The following CNTNAP2 variants were observed in gnomAD, a reference collection of about 807,000 sequenced individuals.
CNTNAP2 encodes the protein contactin associated protein 2.
In CNTNAP2, 98 loss-of-function variants were observed where a neutral mutation model predicts 155.2. The observed-to-expected ratio is 0.63, with a 90% CI of 0.54 to 0.75. The LOEUF is 0.75. Among genes scored for constraint, CNTNAP2 ranks in the 30% least tolerant of loss-of-function variants. The pLI, the probability that CNTNAP2 is intolerant of heterozygous loss-of-function variation, is 0.00. For missense variants in CNTNAP2, 1,727 were observed against 1,688.1 expected (o/e 1.02, Z -0.40); for synonymous variants, 651 against 631.2 (o/e 1.03, Z -0.47).
At chr7:147,154,709 C>G (rs1801889995) in intron 8 of CNTNAP2, among the ~76,000 whole-genome samples, 1 of 152,090 alleles carries the variant, frequency 6.6e-6, no homozygotes, top group South Asian at 2.1e-4. Flanking sequence ...CTGCCACCCC[C>G]TAAAAGATAC....
chr7:147,902,093 A>C (rs776132710), intron 13 of CNTNAP2, among the ~76,000 whole-genome samples: 2 of 152,140 alleles, frequency 1.3e-5, no homozygotes, highest in Non-Finnish European at 2.9e-5. Flanking sequence ...ATGGTGTAGA[A>C]TCAGTTCATG....
At chr7:146,759,634 C>T (rs889804913) in intron 1 of CNTNAP2, among the ~76,000 whole-genome samples, 8 of 125,332 alleles carry the variant, frequency 6.4e-5, no homozygotes, top group African/African-American at 2.4e-4. Flanking sequence ...GTCAGAGGAG[C>T]TGAGATCACG....
At chr7:147,761,916 T>C (rs932927138) in intron 13 of CNTNAP2, among the ~76,000 whole-genome samples, 4 of 152,086 alleles carry the variant, frequency 2.6e-5, no homozygotes, top group Non-Finnish European at 5.9e-5. Context: ...TTATGGGCTA[T>C]GGCATATGAA....
intron 3 of CNTNAP2, among the ~76,000 whole-genome samples, chr7:146,872,162 ATT>A (rs144291754): frequency 0.24 from 26,428 of 111,706 alleles, 2,179 homozygotes; most frequent in Non-Finnish European, 0.26. Context: ...AAATTATTGA[ATT>A]TTTTTTTTTT....
chr7:146,598,641 C>G (rs1209065310), intron 1 of CNTNAP2, among the ~76,000 whole-genome samples: 1 of 151,992 alleles, frequency 6.6e-6, no homozygotes. Flanking sequence ...CCTCTGGAAC[C>G]CCTTCCCTAT....
chr7:147,691,333 C>T (rs1796083910), intron 13 of CNTNAP2, among the ~76,000 whole-genome samples: 1 of 152,094 alleles, frequency 6.6e-6, no homozygotes, highest in Admixed American at 6.6e-5. Context: ...AGCAGTAAGT[C>T]AAACCCTGAT....
At chr7:146,751,104 G>A (rs1477200924) in intron 1 of CNTNAP2, among the ~76,000 whole-genome samples, 1 of 152,094 alleles carries the variant, frequency 6.6e-6, no homozygotes, top group Non-Finnish European at 1.5e-5. Flanking sequence ...CTGTCTCAAA[G>A]AGTCTTAATA....
At position 146,724,655 on chromosome 7, in the gene CNTNAP2, C is replaced by T. The variant is rs982678320; in HGVS notation, c.98-49616C>T. ...GTGAGATCTCTGCTCACCGCAACCT[C>T]CGACTCCGTGGTTCAAGCAATTCTC... On this transcript the variant is annotated intron_variant, in intron 1 of 23. Coordinates refer to ENST00000361727, the MANE Select transcript of CNTNAP2 (RefSeq NM_014141.6). 4.7e-5 allele frequency among the ~76,000 whole-genome samples: 7 copies of T among 149,360 alleles called. No homozygotes were observed. In the South Asian group the frequency reaches 1.5e-3, roughly 32 times the overall value.
chr7:147,287,731 C>T (rs544766420), intron 8 of CNTNAP2, among the ~76,000 whole-genome samples: 4 of 152,164 alleles, frequency 2.6e-5, no homozygotes, highest in Admixed American at 2.0e-4. Context: ...CGCCCAACCT[C>T]GACTCCCTCC....
intron 3 of CNTNAP2, among the ~76,000 whole-genome samples, chr7:147,022,237 TG>T (rs1401884341): frequency 6.6e-6 from 1 of 152,160 alleles, no homozygotes; most frequent in African/African-American, 2.4e-5. Context: ...AGTGAGTCAT[TG>T]CCTGCCAGGA....
chr7:148,086,880 T>A (rs1803742229), intron 15 of CNTNAP2, among the ~76,000 whole-genome samples: 1 of 152,232 alleles, frequency 6.6e-6, no homozygotes, highest in South Asian at 2.1e-4. Context: ...TGTTTTTTTT[T>A]ATTTTTACAA....
chr7:146,202,094 A>C (rs1798872865), intron 1 of CNTNAP2, among the ~76,000 whole-genome samples: 1 of 152,098 alleles, frequency 6.6e-6, no homozygotes. Flanking sequence ...CTGCATCCTT[A>C]TCTGTGCTTG....
At chr7:147,326,013 C>T (rs138863794) in intron 9 of CNTNAP2, among the ~76,000 whole-genome samples, 2,700 of 152,266 alleles carry the variant, frequency 0.018, 82 homozygotes, top group African/African-American at 0.062. Context: ...AGCTCCACCT[C>T]CTGGGTTCAT....
chr7:146,821,338 G>T (rs1225402962), intron 2 of CNTNAP2, among the ~76,000 whole-genome samples: 1 of 152,016 alleles, frequency 6.6e-6, no homozygotes, highest in African/African-American at 2.4e-5. Context: ...CTTCCTTCAG[G>T]AGCTCTTTTA....
intron 13 of CNTNAP2, among the ~76,000 whole-genome samples, chr7:147,722,241 C>G (rs558301008): frequency 6.6e-6 from 1 of 152,208 alleles, no homozygotes; most frequent in South Asian, 2.1e-4. Flanking sequence ...GTAACATGTT[C>G]CAGTTTCTGA....
chr7:147,487,985 A>G (rs557620738), intron 11 of CNTNAP2, among the ~76,000 whole-genome samples: 1 of 152,298 alleles, frequency 6.6e-6, no homozygotes, highest in Admixed American at 6.5e-5. Context: ...AATTTTGAAT[A>G]TCCAACGTGT....
intron 12 of CNTNAP2, among the ~76,000 whole-genome samples, chr7:147,636,651 G>A (rs1194555086): frequency 1.3e-5 from 2 of 151,980 alleles, no homozygotes; most frequent in South Asian, 2.1e-4. Flanking sequence ...GTGTCCATGT[G>A]TTCTCATTTT....
chr7:148,086,665 A>T (rs550923460), intron 15 of CNTNAP2, among the ~76,000 whole-genome samples: 74 of 152,170 alleles, frequency 4.9e-4, no homozygotes, highest in African/African-American at 1.3e-3. Context: ...CATATCAGCT[A>T]TTTTTCTATT....
chr7:147,079,055 A>T (rs1445188752), intron 4 of CNTNAP2, among the ~76,000 whole-genome samples: 1 of 152,076 alleles, frequency 6.6e-6, no homozygotes. Flanking sequence ...TGGCCGTCTT[A>T]TTTAATTTGA....
Sources: allele counts gnomAD v4.1 joint callset (sites outside exome capture counted in the v4.1 genomes callset), GRCh38; gene constraint gnomAD v4.1.1; transcripts MANE v1.5; gene names NCBI Gene and HGNC (gene_info 2026-07-23, HGNC 2026-07-21).